The following DYNAP variants were observed in gnomAD, a reference collection of about 807,000 sequenced individuals.
The protein encoded by DYNAP is dynactin-associated protein.
A neutral mutation model predicts 8.5 loss-of-function variants in DYNAP; 7 were observed. The observed-to-expected ratio is 0.82, with a 90% CI of 0.47 to 1.54. The LOEUF is 1.54. DYNAP is among the 40% of genes most tolerant of loss of function. DYNAP has a pLI of 0.01. For synonymous variants in DYNAP, 77 were observed against 77.9 expected (o/e 0.99, Z 0.06); for missense variants, 256 against 224.3 (o/e 1.14, Z -0.90).
At chr18:54,597,704 A>G in intron 2 of DYNAP, 109 bp from the exon 3 acceptor site, 1 of 1,112,072 alleles carries the variant, frequency 9.0e-7, no homozygotes, top group South Asian at 1.7e-5. Flanking sequence ...TCAGAGACAC[A>G]TAGTGACTCA....
chr18:54,591,462 A>G, intron 1 of DYNAP, 123 bp downstream of exon 1: 1 of 1,129,648 alleles, frequency 8.9e-7, no homozygotes, highest in South Asian at 2.1e-5. Flanking sequence ...TCTTCTCCAA[A>G]ATAAAGAGCA....
upstream of DYNAP, among the ~76,000 whole-genome samples, chr18:54,583,789 G>A (rs890190842): frequency 6.6e-6 from 1 of 152,118 alleles, no homozygotes; most frequent in Non-Finnish European, 1.5e-5. Flanking sequence ...TTTTTCAGCA[G>A]TTTGGAAATC....
upstream of DYNAP, among the ~76,000 whole-genome samples, chr18:54,584,255 ATATT>A (rs750578084): frequency 2.9e-3 from 428 of 148,426 alleles, no homozygotes; most frequent in African/African-American, 5.4e-3. Context: ...TTTAAAACAA[ATATT>A]TATTTAATAT....
At chr18:54,593,816 T>C (rs1446757477) in intron 1 of DYNAP, among the ~76,000 whole-genome samples, 1 of 152,018 alleles carries the variant, frequency 6.6e-6, no homozygotes. Context: ...CCTATAGTCA[T>C]TGGCTACTCA....
At chr18:54,581,819 T>C in the DYNAP span, among the ~76,000 whole-genome samples, 1 of 152,198 alleles carries the variant, frequency 6.6e-6, no homozygotes, top group Non-Finnish European at 1.5e-5. Flanking sequence ...TATTTCAGTA[T>C]CTATTAAGCT....
At chr18:54,586,867 A>C (rs1910899310), upstream of DYNAP, among the ~76,000 whole-genome samples, 1 of 152,248 alleles carries the variant, frequency 6.6e-6, no homozygotes, top group South Asian at 2.1e-4. Context: ...CTATAATGTC[A>C]GTAATACTAT....
At chr18:54,578,899 A>T in the DYNAP span, among the ~76,000 whole-genome samples, 2 of 152,026 alleles carry the variant, frequency 1.3e-5, no homozygotes, top group Non-Finnish European at 2.9e-5. Flanking sequence ...TCCTGGGTTC[A>T]TGCCATTCTC....
the DYNAP span, among the ~76,000 whole-genome samples, chr18:54,578,565 T>C: frequency 6.6e-6 from 1 of 152,138 alleles, no homozygotes; most frequent in African/African-American, 2.4e-5. Flanking sequence ...AGCTCAAAAA[T>C]GGAGAGGAAA....
intron 2 of DYNAP, 99 bp downstream of exon 2, chr18:54,595,202 A>G (rs1345603676): frequency 1.5e-6 from 2 of 1,301,384 alleles, no homozygotes; most frequent in Non-Finnish European, 2.0e-6. Flanking sequence ...TAATTACTTA[A>G]TTCATTTATA....
chr18:54,591,111 G>A, upstream of DYNAP: 2 of 1,293,732 alleles, frequency 1.5e-6, no homozygotes, highest in East Asian at 2.6e-5. Flanking sequence ...CTCCTCTAAG[G>A]TGGATCCTGT....
chr18:54,577,709 C>T, the DYNAP span, among the ~76,000 whole-genome samples: 1 of 150,832 alleles, frequency 6.6e-6, no homozygotes, highest in African/African-American at 2.4e-5. Context: ...AGGGATCACG[C>T]CTGTAACCCC....
rs1911078030 is a variant in DYNAP, at chr18:54,591,561, A to C, written c.57+222A>C. On this transcript the variant is annotated intron_variant, in intron 1 of 2. Coordinates refer to ENST00000648945, the MANE Select transcript of DYNAP (RefSeq NM_173629.3). ...ATTAATTTAAATATATATAGCTATA[A>C]AGTATTAGAAATGTTTCTATGGCCA... Among the ~76,000 whole-genome samples the C allele has an allele frequency of 3.3e-5, 5 of 152,116 alleles. No homozygotes were observed. The South Asian group carries it at 1.0e-3, about 32-fold the overall frequency.
chr18:54,595,395 G>A (rs1018216825), intron 2 of DYNAP, among the ~76,000 whole-genome samples: 1 of 152,092 alleles, frequency 6.6e-6, no homozygotes, highest in Non-Finnish European at 1.5e-5. Context: ...AGGTGCAAAT[G>A]CAAGGTTAGG....
At chr18:54,579,433 C>T in the DYNAP span, among the ~76,000 whole-genome samples, 2 of 152,178 alleles carry the variant, frequency 1.3e-5, no homozygotes, top group Admixed American at 1.3e-4. Context: ...ATATGCTCTG[C>T]AAGTCCAATA....
At position 54,598,585 on chromosome 18, in the gene DYNAP, T is replaced by A. The variant is rs1479392015; in HGVS notation, c.*440T>A. The A allele has an allele frequency of 6.2e-6, 1 of 161,186 alleles. No individual in the cohort carries two copies. Among genetic ancestry groups the A allele is most frequent in the South Asian group, 1.8e-4 (1 of 5,470 alleles). 10.0% of individuals were successfully genotyped at this position (161,186 alleles called of 1,614,324 possible). ...GAGTCATGCCCTACAAACCATAAAT[T>A]CTCATCAGATGGGTTTTATTTAACC... On this transcript the variant is annotated 3_prime_UTR_variant, in exon 3 of 3. Transcript: ENST00000648945.
Position 54,594,960 on chromosome 18 carries a change from C to T in DYNAP, c.79C>T (p.Gln27Ter). 6.2e-7 allele frequency: 1 copy of T among 1,611,078 alleles called. No individual in the cohort carries two copies. The change falls in exon 2 of 3, where the codon CAA (glutamine) becomes TAA (stop). Residue 27 changes from glutamine (Q) to a stop codon, truncating the protein, a stop_gained. Coordinates refer to ENST00000648945, the MANE Select transcript of DYNAP (RefSeq NM_173629.3). LOFTEE classifies it high-confidence loss of function. ...NQPPITHPND[Q>*]EAHSSICWCL... ...GTAGCCAATCACACATCCAAATGAC[C>T]AAGAGGCTCACAGTTCCATATGCTG...
chr18:54,578,723 C>T, the DYNAP span, among the ~76,000 whole-genome samples: 2 of 152,164 alleles, frequency 1.3e-5, no homozygotes, highest in African/African-American at 4.8e-5. Flanking sequence ...GTAATGCTTA[C>T]ACAGTCTTCA....
the DYNAP span, among the ~76,000 whole-genome samples, chr18:54,576,163 G>A: frequency 1.3e-5 from 2 of 152,042 alleles, no homozygotes; most frequent in African/African-American, 4.8e-5. Context: ...TATCATTTAT[G>A]GGTATTTGGA....
At chr18:54,582,089 A>G in the DYNAP span, among the ~76,000 whole-genome samples, 108 of 152,318 alleles carry the variant, frequency 7.1e-4, no homozygotes, top group Non-Finnish European at 1.0e-3. Context: ...GATCCAGACC[A>G]TCCTGGCTAA....
Sources: allele counts gnomAD v4.1 joint callset (sites outside exome capture counted in the v4.1 genomes callset), GRCh38; gene constraint gnomAD v4.1.1; transcripts MANE v1.5; gene names NCBI Gene and HGNC (gene_info 2026-07-23, HGNC 2026-07-21).